The following CCSER1 variants were observed in gnomAD, a reference collection of about 807,000 sequenced individuals.
CCSER1 encodes the protein serine-rich coiled-coil domain-containing protein 1.
A neutral mutation model predicts 82.0 loss-of-function variants in CCSER1; 41 were observed. The observed-to-expected ratio is 0.50, with a 90% CI of 0.39 to 0.65. The LOEUF is 0.65. Among genes scored for constraint, CCSER1 ranks in the 30% least tolerant of loss-of-function variants. CCSER1 has a pLI of 0.00. For synonymous variants in CCSER1, 414 were observed against 383.9 expected, an observed-to-expected ratio of 1.08 and a Z score of -0.92; for missense variants, 1,119 against 1,064.2, an observed-to-expected ratio of 1.05 and a Z score of -0.72.
At chr4:90,859,881 G>A (rs1764874811) in intron 8 of CCSER1, among the ~76,000 whole-genome samples, 1 of 151,626 alleles carries the variant, frequency 6.6e-6, no homozygotes, top group African/African-American at 2.4e-5. Flanking sequence ...TATTTCATAT[G>A]TATGGCTTAG....
At chr4:90,847,991 A>G (rs1273998291) in intron 8 of CCSER1, among the ~76,000 whole-genome samples, 1 of 152,208 alleles carries the variant, frequency 6.6e-6, no homozygotes, top group Non-Finnish European at 1.5e-5. Flanking sequence ...TGTGGTAGTC[A>G]TCATAATTAG....
At chr4:90,692,035 G>GTATATATATATA (rs60193331) in intron 6 of CCSER1, among the ~76,000 whole-genome samples, 9 of 142,964 alleles carry the variant, frequency 6.3e-5, no homozygotes, top group African/African-American at 1.0e-4. Flanking sequence ...TTCAATGTGT[G>GTATATATATATA]TATATATATA....
chr4:90,844,233 A>G (rs62311119), intron 8 of CCSER1, among the ~76,000 whole-genome samples: 10,793 of 151,522 alleles, frequency 0.071, 494 homozygotes, highest in Admixed American at 0.13. Context: ...GAGAGAGAGA[A>G]AGAGAGGAAG....
chr4:90,551,736 C>G (rs959128382), intron 5 of CCSER1, among the ~76,000 whole-genome samples: 1 of 118,382 alleles, frequency 8.4e-6, no homozygotes, highest in Non-Finnish European at 1.7e-5. Flanking sequence ...ATGTAATTAC[C>G]TGTATTCTTG....
rs78267142 is a variant in CCSER1, at chr4:90,146,078, G to C, written c.-42+18247G>C. On this transcript the variant is annotated intron_variant, in intron 1 of 10. Coordinates refer to ENST00000509176, the MANE Select transcript of CCSER1 (RefSeq NM_001145065.2). ...TAAAAAGAAAATAAACTTTAAGTGGGAAAAATGTTTCAAAGTGAAATATTC... is the reference window on the plus strand; with the variant it reads ...TAAAAAGAAAATAAACTTTAAGTGGCAAAAATGTTTCAAAGTGAAATATTC... Among the ~76,000 whole-genome samples the C allele has an allele frequency of 1.9e-4, 29 of 152,102 alleles. No individual in the cohort carries two copies. In the East Asian group the frequency reaches 5.6e-3, roughly 29 times the overall value.
chr4:90,433,903 A>G (rs1339646029), intron 4 of CCSER1, among the ~76,000 whole-genome samples: 2 of 151,858 alleles, frequency 1.3e-5, no homozygotes, highest in Non-Finnish European at 2.9e-5. Context: ...TTGTAAGACA[A>G]GAGGTTTAAA....
intron 5 of CCSER1, among the ~76,000 whole-genome samples, chr4:90,604,970 G>C (rs1290738240): frequency 1.3e-5 from 2 of 151,502 alleles, no homozygotes; most frequent in African/African-American, 4.9e-5. Flanking sequence ...AAAGCAGGCT[G>C]CCCCAGCCAG....
At chr4:91,434,524 G>T (rs1261266026) in intron 10 of CCSER1, among the ~76,000 whole-genome samples, 3 of 151,904 alleles carry the variant, frequency 2.0e-5, no homozygotes, top group Non-Finnish European at 4.4e-5. Context: ...AAATGAAAGG[G>T]TGTAAGCTTA....
At chr4:90,235,273 A>G (rs1745564679) in intron 1 of CCSER1, 1 of 152,296 alleles carries the variant, frequency 6.6e-6, no homozygotes, top group Admixed American at 6.5e-5. Context: ...TCACTTGCTC[A>G]TTACCTGTAG....
At position 91,598,763 on chromosome 4, in the gene CCSER1, C is replaced by G; in HGVS notation, c.2409C>G (p.Ile803Met). 6.4e-7 allele frequency: 1 copy of G among 1,551,606 alleles called. No individual in the cohort carries two copies. The highest frequency in any genetic ancestry group is 1.2e-5 in the South Asian group (1 of 84,062). ...AGGACAAGGAACTAGCAGAAGTTAT[C>G]AAACATTCAAGAGGAACTTATGAAA... The part of the protein sequence containing the change: ...FLKDKELAEV[I>M]KHSRGTYETL... Residue 803 changes from isoleucine to methionine, a missense_variant, in exon 11 of 11, where the codon ATC (isoleucine) becomes ATG (methionine). Coordinates refer to ENST00000509176, the MANE Select transcript of CCSER1 (RefSeq NM_001145065.2).
At chr4:90,493,842 A>G (rs1768507730) in intron 5 of CCSER1, among the ~76,000 whole-genome samples, 1 of 152,244 alleles carries the variant, frequency 6.6e-6, no homozygotes, top group Admixed American at 6.5e-5. Flanking sequence ...CAAGGCTAGG[A>G]AGAAACTGCC....
chr4:90,447,892 A>T (rs996590172), intron 4 of CCSER1, among the ~76,000 whole-genome samples: 1 of 152,186 alleles, frequency 6.6e-6, no homozygotes, highest in Non-Finnish European at 1.5e-5. Context: ...CATAATTTTT[A>T]AATAATTGCT....
rs1419830861 is a variant in CCSER1, at chr4:91,518,010, C to T, written c.2218-80562C>T. 2.0e-5 allele frequency among the ~76,000 whole-genome samples: 3 copies of T among 152,212 alleles called. No individual in the cohort carries two copies. In the East Asian group the frequency reaches 5.8e-4, roughly 29 times the overall value. ...GGTAGTCTCTTCCTCAGTCATGTAG[C>T]TCCTCTGTATTTCCTCATGTTTGCA... On this transcript the variant is annotated intron_variant, in intron 10 of 10. Coordinates refer to ENST00000509176, the MANE Select transcript of CCSER1 (RefSeq NM_001145065.2).
chr4:90,709,629 G>A (rs1490041691), intron 6 of CCSER1, among the ~76,000 whole-genome samples: 1 of 151,994 alleles, frequency 6.6e-6, no homozygotes, highest in Non-Finnish European at 1.5e-5. Context: ...CTTTTTTATG[G>A]CTGCATAGTA....
chr4:91,310,573 C>T (rs1011777000), intron 10 of CCSER1, among the ~76,000 whole-genome samples: 2 of 151,856 alleles, frequency 1.3e-5, no homozygotes, highest in African/African-American at 4.8e-5. Flanking sequence ...TGGTCTATCT[C>T]ACTTCCCTCT....
intron 10 of CCSER1, among the ~76,000 whole-genome samples, chr4:91,438,542 G>A (rs192811243): frequency 0.028 from 4,233 of 152,216 alleles, 195 homozygotes; most frequent in African/African-American, 0.096. Context: ...AAAAAACAGA[G>A]CAGAAAAACT....
intron 10 of CCSER1, among the ~76,000 whole-genome samples, chr4:91,405,661 T>C (rs969173385): frequency 4.6e-5 from 7 of 152,188 alleles, no homozygotes; most frequent in Admixed American, 3.9e-4. Context: ...CTCCGTGGCA[T>C]TGGACCCTCC....
chr4:91,477,644 A>C (rs1391944158), intron 10 of CCSER1, among the ~76,000 whole-genome samples: 1 of 151,932 alleles, frequency 6.6e-6, no homozygotes, highest in East Asian at 1.9e-4. Flanking sequence ...ATGCTAAATA[A>C]ATAATCAAAA....
At position 91,418,317 on chromosome 4, in the gene CCSER1, AC is replaced by A. The variant is rs1448481858; in HGVS notation, c.2218-180254del. On this transcript the variant is annotated intron_variant, in intron 10 of 10. Transcript: ENST00000509176. Reference sequence around the variant, plus strand: ...GATTTTTTAATTAAAAAAAAAAAAAACAAAATTGACAAAACTCCAGATAGGC... The same window carrying A: ...GATTTTTTAATTAAAAAAAAAAAAAAAAAATTGACAAAACTCCAGATAGGC... Among the ~76,000 whole-genome samples, 384 of 150,508 alleles carry A rather than the reference AC, an allele frequency of 2.6e-3. 5 individuals carry two copies. The highest frequency in any genetic ancestry group is 8.7e-3 in the African/African-American group (357 of 41,070).
Sources: allele counts gnomAD v4.1 joint callset (sites outside exome capture counted in the v4.1 genomes callset), GRCh38; gene constraint gnomAD v4.1.1; transcripts MANE v1.5; gene names NCBI Gene and HGNC (gene_info 2026-07-23, HGNC 2026-07-21).